The following CFAP77 variants were observed in gnomAD, a reference collection of about 807,000 sequenced individuals.
The protein encoded by CFAP77 is cilia and flagella associated protein 77.
Under a neutral mutation model 31.1 loss-of-function variants are expected in CFAP77, and 25 were observed. The ratio of observed to expected loss-of-function variants is 0.80; its 90% CI spans 0.59 to 1.12. CFAP77 has a LOEUF of 1.12. Ranked by LOEUF, CFAP77 falls within the 50% of genes most tolerant of loss-of-function variation. CFAP77 has a pLI of 0.00. For synonymous variants in CFAP77, 151 were observed against 159.9 expected (o/e 0.94, Z 0.42); for missense variants, 377 against 397.3 (o/e 0.95, Z 0.44).
intron 1 of CFAP77, among the ~76,000 whole-genome samples, chr9:132,431,788 T>G (rs1372570146): frequency 6.6e-6 from 1 of 152,192 alleles, no homozygotes; most frequent in Non-Finnish European, 1.5e-5. Context: ...TCCCCAAATT[T>G]ACTCAAAGAC....
At chr9:132,415,280 C>A (rs772445977) in intron 1 of CFAP77, among the ~76,000 whole-genome samples, 1 of 151,950 alleles carries the variant, frequency 6.6e-6, no homozygotes, top group Non-Finnish European at 1.5e-5. Flanking sequence ...CCCTTTTTTC[C>A]TTTTTTCTTC....
chr9:132,536,649 C>A (rs746605954), intron 3 of CFAP77, among the ~76,000 whole-genome samples: 13 of 152,176 alleles, frequency 8.5e-5, no homozygotes, highest in Middle Eastern at 3.2e-3. Context: ...CTGCCTCGGC[C>A]TCCCAAAGTG....
rs1852840013 is a variant in CFAP77 at position 132,552,637 on chromosome 9, T to G, written c.732+9590T>G. 6.7e-6 allele frequency among the ~76,000 whole-genome samples: 1 copy of G among 148,714 alleles called. No individual in the cohort carries two copies. Among genetic ancestry groups the G allele is most frequent in the Admixed American group, 6.8e-5 (1 of 14,748 alleles). Reference sequence around the variant, plus strand: ...CTTGAACCTGGGAGGTTGAGGTTGCTGTGAGCCGAGATCACGCCACTGCAC... The same window carrying G: ...CTTGAACCTGGGAGGTTGAGGTTGCGGTGAGCCGAGATCACGCCACTGCAC... On this transcript the variant is annotated intron_variant, in intron 5 of 5. Coordinates refer to ENST00000393216, the MANE Select transcript of CFAP77 (RefSeq NM_001282957.2). The surrounding 1 kb of genome is among the most constrained non-coding windows in gnomAD (Gnocchi z 5.5).
At chr9:132,417,446 T>G (rs1850124537) in intron 1 of CFAP77, among the ~76,000 whole-genome samples, 1 of 152,186 alleles carries the variant, frequency 6.6e-6, no homozygotes, top group African/African-American at 2.4e-5. Flanking sequence ...ACAAAAGATA[T>G]CGAAATAGGT....
Position 132,481,130 on chromosome 9 carries a change from G to A in CFAP77, c.196-17565G>A, listed in dbSNP as rs1851439367. Among the ~76,000 whole-genome samples, 2 of 152,152 alleles carry A rather than the reference G, an allele frequency of 1.3e-5. No homozygotes were observed. The highest frequency in any genetic ancestry group is 2.9e-5 in the Non-Finnish European group (2 of 68,044). On this transcript the variant is annotated intron_variant, in intron 1 of 5. Coordinates refer to ENST00000393216, the MANE Select transcript of CFAP77 (RefSeq NM_001282957.2). This position sits in a 1 kb window ranked among gnomAD's most constrained non-coding sequence, Gnocchi z 5.0. ...TGCACACCCACAAAGCCACACTCGT[G>A]TCTGCCGGCCATGGATACGACAGAG...
chr9:132,513,461 G>A, intron 3 of CFAP77: 8 of 1,336,854 alleles, frequency 6.0e-6, no homozygotes, highest in Non-Finnish European at 7.9e-6. Flanking sequence ...TCTTCCCTGA[G>A]GACCCTCCCG....
intron 3 of CFAP77, among the ~76,000 whole-genome samples, chr9:132,508,665 G>A (rs1427417739): frequency 6.6e-6 from 1 of 152,002 alleles, no homozygotes; most frequent in African/African-American, 2.4e-5. Context: ...CCTCATAGCT[G>A]TGTGTGTTCA....
intron 3 of CFAP77, among the ~76,000 whole-genome samples, chr9:132,532,477 G>A (rs1852470082): frequency 6.6e-6 from 1 of 152,178 alleles, no homozygotes; most frequent in Non-Finnish European, 1.5e-5. Flanking sequence ...AGTCCAGCAT[G>A]GGCAGAACTT....
At chr9:132,502,771 G>A (rs1307195753) in intron 3 of CFAP77, among the ~76,000 whole-genome samples, 3 of 152,192 alleles carry the variant, frequency 2.0e-5, no homozygotes, top group Non-Finnish European at 1.5e-5. Flanking sequence ...GGACGTGGAC[G>A]GACACGTGTC....
Position 132,564,211 on chromosome 9 carries a change from T to C in CFAP77, c.733-8177T>C, listed in dbSNP as rs552830175. Among the ~76,000 whole-genome samples, 123 of 152,278 alleles carry C rather than the reference T, an allele frequency of 8.1e-4. No individual in the cohort carries two copies. The Middle Eastern group carries it at 0.01, about 13-fold the overall frequency. On this transcript the variant is annotated intron_variant, in intron 5 of 5. Coordinates refer to ENST00000393216, the MANE Select transcript of CFAP77 (RefSeq NM_001282957.2). The surrounding 1 kb of genome is among the most constrained non-coding windows in gnomAD (Gnocchi z 4.6). ...AATAAGCATTGAATAAAATCATGAA[T>C]ACATAAATACAAGGACAAGGGCCAC...
rs1829983888 is a variant in CFAP77, at chr9:132,573,037, G to C, written c.*527G>C. ...TCTGGGACCTCTGACAGCAGGAAGA[G>C]CCAATGGTTCATTACTCGAGCCTGC... On this transcript the variant is annotated 3_prime_UTR_variant, in exon 6 of 6. Transcript: ENST00000393216. The C allele has an allele frequency of 6.5e-6, 1 of 152,896 alleles. No individual in the cohort carries two copies. Among genetic ancestry groups the C allele is most frequent in the Non-Finnish European group, 1.5e-5 (1 of 68,610 alleles). 9.5% of individuals were successfully genotyped at this position (152,896 alleles called of 1,614,324 possible). A position where few individuals can be genotyped will look rare whatever the true frequency, so the allele number is the denominator to read the frequency against.
chr9:132,562,684 T>C (rs1269637064), intron 5 of CFAP77, among the ~76,000 whole-genome samples: 2 of 152,152 alleles, frequency 1.3e-5, no homozygotes, highest in Non-Finnish European at 2.9e-5. Context: ...GTTTTTGTTG[T>C]TGTTGTTTTT....
intron 1 of CFAP77, among the ~76,000 whole-genome samples, chr9:132,496,418 A>G (rs1851744769): frequency 6.6e-6 from 1 of 152,218 alleles, no homozygotes; most frequent in African/African-American, 2.4e-5. Flanking sequence ...AGATTTGTGC[A>G]ACCATCACCA....
At chr9:132,461,857 C>A (rs1371692223) in intron 1 of CFAP77, among the ~76,000 whole-genome samples, 2 of 152,190 alleles carry the variant, frequency 1.3e-5, no homozygotes, top group Admixed American at 1.3e-4. Flanking sequence ...GATTTCCCCC[C>A]GTTTCTGCTC....
intron 1 of CFAP77, among the ~76,000 whole-genome samples, chr9:132,428,288 G>A (rs1320187823): frequency 6.6e-6 from 1 of 151,918 alleles, no homozygotes; most frequent in East Asian, 1.9e-4. Flanking sequence ...GGGATTACAG[G>A]TGTGAGCCAC....
At chr9:132,562,855 A>G (rs763951348) in intron 5 of CFAP77, among the ~76,000 whole-genome samples, 5 of 151,624 alleles carry the variant, frequency 3.3e-5, no homozygotes, top group African/African-American at 4.9e-5. Context: ...ACGCACCACC[A>G]CACCCAGCTA....
intron 1 of CFAP77, among the ~76,000 whole-genome samples, chr9:132,489,828 G>A (rs1053388263): frequency 1.3e-5 from 2 of 152,142 alleles, no homozygotes; most frequent in Non-Finnish European, 2.9e-5. Flanking sequence ...AGGCTGATGG[G>A]GCACCGGGTG....
At chr9:132,493,231 T>C (rs1851678339) in intron 1 of CFAP77, among the ~76,000 whole-genome samples, 1 of 152,142 alleles carries the variant, frequency 6.6e-6, no homozygotes, top group Admixed American at 6.5e-5. Flanking sequence ...AATCTGCTTC[T>C]TGGCTGAATT....
chr9:132,476,763 C>A (rs961015165), intron 1 of CFAP77, among the ~76,000 whole-genome samples: 1 of 152,156 alleles, frequency 6.6e-6, no homozygotes, highest in African/African-American at 2.4e-5. Context: ...CCAAGGAGCA[C>A]CGCAGACTGC....
Sources: gnomAD v4.1 joint callset for allele counts (sites outside exome capture counted in the v4.1 genomes callset) on GRCh38, gnomAD v4.1.1 for gene constraint, Gnocchi (gnomAD v3.1) non-coding constraint, MANE v1.5 for transcripts, NCBI Gene and HGNC (gene_info 2026-07-23, HGNC 2026-07-21) for gene names.